NHS: variants seen among roughly 807,000 people sequenced by gnomAD.
NHS encodes the protein NHS actin remodeling regulator.
In NHS, 5 loss-of-function variants were observed where a neutral mutation model predicts 72.5. The observed-to-expected ratio is 0.07, with a 90% CI of 0.04 to 0.14. The LOEUF (loss-of-function observed/expected upper bound fraction) is 0.14, where lower values mean the gene tolerates loss of function less well. Ranked by LOEUF, NHS falls within the 10% of genes least tolerant of loss-of-function variation. The pLI is 1.00. For missense variants in NHS, 1,072 were observed against 1,355.7 expected, an observed-to-expected ratio of 0.79 and a Z score of 3.29; for synonymous variants, 464 against 547.7, an observed-to-expected ratio of 0.85 and a Z score of 2.13.
chrX:17,431,107 G>A (rs746700304), intron 1 of NHS, among the ~76,000 whole-genome samples: 21 of 111,845 alleles, frequency 1.9e-4, no homozygotes, highest in South Asian at 1.1e-3. Flanking sequence ...AAGGTAGGGA[G>A]AATAACTTCT....
intron 1 of NHS, among the ~76,000 whole-genome samples, chrX:17,686,237 C>A (rs1041387070): frequency 3.6e-5 from 4 of 112,324 alleles, no homozygotes; most frequent in Non-Finnish European, 7.5e-5. Flanking sequence ...GTGTTTTTGA[C>A]AAGCACTTCT....
intron 1 of NHS, among the ~76,000 whole-genome samples, chrX:17,407,131 C>T (rs748995875): frequency 5.4e-5 from 6 of 111,640 alleles, no homozygotes; most frequent in Non-Finnish European, 9.4e-5. Context: ...AGAGCATGAC[C>T]GACATCTAAT....
At position 17,727,031 on chromosome X, in the gene NHS, T is replaced by G; in HGVS notation, c.2925T>G (p.Ile975Met). ...GCACCGCTACGGGTACCACAGTCAT[T>G]GAATGCATCAAATCTCCAGAGAGCT... ...NSSTATGTTV[I>M]ECIKSPESSE... The change falls in exon 7 of 9, where the codon ATT becomes ATG. Residue 975 changes from isoleucine (I) to methionine (M), a missense_variant. Physicochemically the swap from Ile to Met is conservative, Grantham distance 10. Coordinates refer to ENST00000676302, the MANE Select transcript of NHS (RefSeq NM_001291867.2). 8.3e-7 allele frequency: 1 copy of G among 1,211,922 alleles called. No individual in the cohort carries two copies. Among genetic ancestry groups the G allele is most frequent in the Non-Finnish European group, 1.1e-6 (1 of 895,528 alleles).
intron 1 of NHS, among the ~76,000 whole-genome samples, chrX:17,452,760 G>C (rs2064810981): frequency 9.0e-6 from 1 of 111,582 alleles, no homozygotes; most frequent in Non-Finnish European, 1.9e-5. Context: ...GCTCACCCTT[G>C]GTCCAATCAA....
chrX:17,594,514 G>A (rs762089639), intron 1 of NHS, among the ~76,000 whole-genome samples: 17 of 112,236 alleles, frequency 1.5e-4, no homozygotes, highest in South Asian at 1.1e-3. Flanking sequence ...AGTAAGGTGG[G>A]TTACTCTGTC....
intron 1 of NHS, among the ~76,000 whole-genome samples, chrX:17,541,839 A>C (rs1161287532): frequency 9.5e-6 from 1 of 105,769 alleles, no homozygotes; most frequent in Admixed American, 1.0e-4. Flanking sequence ...TGATGGGTAC[A>C]AGAGCCCAGC....
At chrX:17,619,854 C>G (rs1278566012) in intron 1 of NHS, among the ~76,000 whole-genome samples, 6 of 111,480 alleles carry the variant, frequency 5.4e-5, no homozygotes, top group Admixed American at 9.5e-5. Flanking sequence ...GTGTTCTTGC[C>G]ACTGCCCATG....
At chrX:17,479,704 G>A (rs1192334953) in intron 1 of NHS, among the ~76,000 whole-genome samples, 1 of 112,111 alleles carries the variant, frequency 8.9e-6, no homozygotes, top group Non-Finnish European at 1.9e-5. Context: ...CTTTTGAGAA[G>A]TGTCTGTTCA....
chrX:17,730,385 C>G (rs2066478972), intron 8 of NHS, among the ~76,000 whole-genome samples: 1 of 112,155 alleles, frequency 8.9e-6, no homozygotes, highest in Non-Finnish European at 1.9e-5. Flanking sequence ...TTGATGATAA[C>G]ATTTTTTGTG....
chrX:17,425,351 G>A (rs760580156), intron 1 of NHS, among the ~76,000 whole-genome samples: 1 of 109,154 alleles, frequency 9.2e-6, no homozygotes, highest in Non-Finnish European at 1.9e-5. Flanking sequence ...CCATTTGTTA[G>A]CTGTCAGAAC....
At chrX:17,631,756 C>T (rs1408451797) in intron 1 of NHS, among the ~76,000 whole-genome samples, 2 of 112,103 alleles carry the variant, frequency 1.8e-5, no homozygotes, top group Admixed American at 1.9e-4. Context: ...GTAAATGTAT[C>T]AGCTGGGGAT....
intron 1 of NHS, among the ~76,000 whole-genome samples, chrX:17,661,597 G>A (rs1320357271): frequency 8.9e-6 from 1 of 111,891 alleles, no homozygotes; most frequent in Non-Finnish European, 1.9e-5. Context: ...TGCAGAAACA[G>A]GCTAGTGGGT....
chrX:17,564,575 C>G (rs1416625995), intron 1 of NHS, among the ~76,000 whole-genome samples: 1 of 112,320 alleles, frequency 8.9e-6, no homozygotes, highest in Admixed American at 9.4e-5. Flanking sequence ...GTGCATGCTA[C>G]AATTGGCAAT....
At chrX:17,522,260 C>G (rs1271139952) in intron 1 of NHS, among the ~76,000 whole-genome samples, 3 of 112,654 alleles carry the variant, frequency 2.7e-5, no homozygotes, top group African/African-American at 9.7e-5. Context: ...TGTGTGGATT[C>G]TGGCCTCGGA....
intron 1 of NHS, among the ~76,000 whole-genome samples, chrX:17,404,455 CT>C (rs940818127): frequency 9.0e-6 from 1 of 111,721 alleles, no homozygotes; most frequent in Non-Finnish European, 1.9e-5. Context: ...GTATGTTTGC[CT>C]TGCCTTATTC....
At chrX:17,598,037 G>C (rs954013258) in intron 1 of NHS, among the ~76,000 whole-genome samples, 1 of 111,464 alleles carries the variant, frequency 9.0e-6, no homozygotes, top group Non-Finnish European at 1.9e-5. Context: ...GAGGAGACCT[G>C]TGATGGAAGG....
intron 1 of NHS, among the ~76,000 whole-genome samples, chrX:17,509,243 AT>A (rs2065074436): frequency 9.8e-6 from 1 of 101,922 alleles, no homozygotes; most frequent in Non-Finnish European, 2.0e-5. Context: ...TTATTTATTT[AT>A]GAGACAGAGT....
intron 1 of NHS, among the ~76,000 whole-genome samples, chrX:17,650,403 C>G (rs2065925458): frequency 8.9e-6 from 1 of 112,525 alleles, no homozygotes; most frequent in Non-Finnish European, 1.9e-5. Context: ...GATCTCTACC[C>G]TCCTTATTTT....
intron 1 of NHS, among the ~76,000 whole-genome samples, chrX:17,431,873 A>G (rs1180144104): frequency 1.8e-5 from 2 of 112,076 alleles, no homozygotes; most frequent in South Asian, 3.8e-4. Flanking sequence ...AGCACATAGA[A>G]CAATTTTCTC....
Sources: allele counts gnomAD v4.1 joint callset (sites outside exome capture counted in the v4.1 genomes callset), GRCh38; gene constraint gnomAD v4.1.1; transcripts MANE v1.5; gene names NCBI Gene and HGNC (gene_info 2026-07-23, HGNC 2026-07-21).